The following MYL4 variants were observed in gnomAD, a reference collection of about 807,000 sequenced individuals.
MYL4 encodes the protein atrial myosin light chain 1.
Under a neutral mutation model 21.6 loss-of-function variants are expected in MYL4, and 16 were observed. That is an observed-to-expected ratio of 0.74 (90% confidence interval 0.50 to 1.12). The LOEUF is 1.12. MYL4 is among the 50% of genes most tolerant of loss of function. MYL4 has a pLI of 0.00. For synonymous variants in MYL4, 82 were observed against 95.7 expected, an observed-to-expected ratio of 0.86 and a Z score of 0.83; for missense variants, 249 against 252.9, an observed-to-expected ratio of 0.98 and a Z score of 0.11.
At chr17:47,221,892 G>A (rs1241398690) in intron 4 of MYL4, 37 bp downstream of exon 4, 6 of 1,595,734 alleles carry the variant, frequency 3.8e-6, no homozygotes, top group Non-Finnish European at 5.1e-6. Context: ...CCAAGTGGGA[G>A]GAATGGAGGG....
chr17:47,208,834 G>A (rs1366405243), upstream of MYL4, among the ~76,000 whole-genome samples: 4 of 152,136 alleles, frequency 2.6e-5, no homozygotes, highest in Non-Finnish European at 4.4e-5. Flanking sequence ...TGTGAGTTGG[G>A]AGGGTGTGGG....
chr17:47,224,061 A>G (rs2064876284), downstream of MYL4, among the ~76,000 whole-genome samples: 1 of 152,266 alleles, frequency 6.6e-6, no homozygotes, highest in Non-Finnish European at 1.5e-5. Context: ...TAAAATACAC[A>G]TAACATGAAA....
chr17:47,192,685 G>A, the MYL4 span, among the ~76,000 whole-genome samples: 28 of 151,568 alleles, frequency 1.8e-4, no homozygotes, highest in African/African-American at 6.5e-4. Flanking sequence ...GATTGTTGTT[G>A]ACCAGGCTAA....
chr17:47,190,306 G>A, the MYL4 span, among the ~76,000 whole-genome samples: 1 of 152,142 alleles, frequency 6.6e-6, no homozygotes, highest in African/African-American at 2.4e-5. Context: ...AAAGGATTAA[G>A]AGAATTCGAT....
upstream of MYL4, among the ~76,000 whole-genome samples, chr17:47,208,499 A>C (rs2064745413): frequency 6.6e-6 from 1 of 151,878 alleles, no homozygotes; most frequent in South Asian, 2.1e-4. Flanking sequence ...ATTTAATGAG[A>C]TTTTATATGA....
At chr17:47,225,316 T>C (rs1693677028), downstream of MYL4, among the ~76,000 whole-genome samples, 3 of 152,230 alleles carry the variant, frequency 2.0e-5, no homozygotes, top group Admixed American at 1.3e-4. Flanking sequence ...AGTGACTGGT[T>C]GAAACACAAA....
chr17:47,225,855 C>A, downstream of MYL4, among the ~76,000 whole-genome samples: 1 of 113,272 alleles, frequency 8.8e-6, no homozygotes, highest in South Asian at 2.9e-4. Flanking sequence ...TCCTTCCCTT[C>A]TTTTTTTTTT....
chr17:47,209,311 C>A, upstream of MYL4: 2 of 1,459,268 alleles, frequency 1.4e-6, no homozygotes, highest in East Asian at 2.3e-5. Flanking sequence ...GGGGCTCCTG[C>A]CCAGGATAAA....
chr17:47,209,146 T>C, upstream of MYL4: 1 of 560,548 alleles, frequency 1.8e-6, no homozygotes. Flanking sequence ...GGGATCAGCC[T>C]GTCCTAGAGG....
rs745419430 is a variant in MYL4, at chr17:47,213,792, C to T, written c.136-7C>T. 1.2e-6 allele frequency: 2 copies of T among 1,614,106 alleles called. No individual in the cohort carries two copies. The highest frequency in any genetic ancestry group is 1.1e-5 in the South Asian group (1 of 91,082). On this transcript the variant is annotated splice_polypyrimidine_tract_variant and splice_region_variant and intron_variant, in intron 1 of 6. Coordinates refer to ENST00000393450, the MANE Select transcript of MYL4 (RefSeq NM_002476.2). ...CCAAGCCCTCACTACTATTTCCCTC[C>T]CTACAGATAGACTTCACTGCCGACC... is the stretch of plus-strand genomic sequence containing the variant.
chr17:47,224,367 A>T (rs1485307655), downstream of MYL4, among the ~76,000 whole-genome samples: 2 of 152,182 alleles, frequency 1.3e-5, no homozygotes, highest in Non-Finnish European at 2.9e-5. Context: ...ATTCACTATC[A>T]TGAGAACAGC....
chr17:47,215,794 A>C (rs551794523), intron 2 of MYL4, among the ~76,000 whole-genome samples: 2 of 152,024 alleles, frequency 1.3e-5, no homozygotes, highest in African/African-American at 4.8e-5. Flanking sequence ...TTATTTTATC[A>C]TTTTATTTTA....
upstream of MYL4, among the ~76,000 whole-genome samples, chr17:47,205,708 G>A (rs1018278149): frequency 3.3e-5 from 5 of 152,172 alleles, no homozygotes; most frequent in Admixed American, 3.3e-4. Flanking sequence ...TGTGCCTAAG[G>A]TTTCAGGTGG....
At chr17:47,196,712 G>C (rs72823445), upstream of MYL4, among the ~76,000 whole-genome samples, 5,016 of 152,176 alleles carry the variant, frequency 0.033, 130 homozygotes, top group Non-Finnish European at 0.042. Flanking sequence ...GCTCCAGCCT[G>C]TTATTCTCTC....
chr17:47,209,836 CA>C, intron 1 of MYL4: 1 of 548,324 alleles, frequency 1.8e-6, no homozygotes, highest in Admixed American at 3.1e-5. Flanking sequence ...GGGGGAGGTA[CA>C]ACCAACCATC....
chr17:47,219,803 A>C, intron 2 of MYL4, 101 bp from the exon 3 acceptor site: 2 of 1,423,584 alleles, frequency 1.4e-6, no homozygotes. Flanking sequence ...ATATTTTAAC[A>C]ACCACACTCA....
chr17:47,216,695 CTTTCT>C (rs2064817215), intron 2 of MYL4, among the ~76,000 whole-genome samples: 1 of 141,866 alleles, frequency 7.0e-6, no homozygotes, highest in African/African-American at 2.6e-5. Context: ...TTTTCTTTTT[CTTTCT>C]TTTTTTTTTT....
In MYL4 at chr17:47,221,668, C is replaced by T. The variant is rs776432319; in HGVS notation, c.314-14C>T. The T allele has an allele frequency of 4.4e-6, 7 of 1,608,026 alleles. No homozygotes were observed. In the South Asian group the frequency reaches 7.8e-5, roughly 18 times the overall value. ...TCACATTGATTTCTCTTTCTTTACC[C>T]TGCCTGCCTGAAGAGATGAATGTCA... On this transcript the variant is annotated splice_polypyrimidine_tract_variant and intron_variant, in intron 3 of 6. Transcript: ENST00000393450.
the MYL4 span, among the ~76,000 whole-genome samples, chr17:47,191,231 C>T: frequency 6.6e-6 from 1 of 152,158 alleles, no homozygotes; most frequent in Non-Finnish European, 1.5e-5. Flanking sequence ...AGTAACACCA[C>T]AAAGGGCGTG....
Sources: allele counts gnomAD v4.1 joint callset (sites outside exome capture counted in the v4.1 genomes callset), GRCh38; gene constraint gnomAD v4.1.1; transcripts MANE v1.5; gene names NCBI Gene and HGNC (gene_info 2026-07-23, HGNC 2026-07-21).